VSNL1: variants seen among roughly 807,000 people sequenced by gnomAD.
The protein encoded by VSNL1 is visinin like 1.
In VSNL1, 6 loss-of-function variants were observed where a neutral mutation model predicts 20.4. The ratio of observed to expected loss-of-function variants is 0.29; its 90% CI spans 0.16 to 0.58. The LOEUF is 0.58. VSNL1 is among the 20% of genes least tolerant of loss of function. VSNL1 has a pLI of 0.90. For synonymous variants in VSNL1, 93 were observed against 86.4 expected (o/e 1.08, Z -0.42); for missense variants, 100 against 234.5 (o/e 0.43, Z 3.75).
chr2:17,600,936 A>C (rs1664807465), intron 2 of VSNL1, among the ~76,000 whole-genome samples: 1 of 152,222 alleles, frequency 6.6e-6, no homozygotes, highest in Admixed American at 6.5e-5. Flanking sequence ...ATATTGTCTC[A>C]GGGAATAGCT....
chr2:17,614,039 G>A (rs940066501), intron 2 of VSNL1, among the ~76,000 whole-genome samples: 1 of 152,184 alleles, frequency 6.6e-6, no homozygotes, highest in Non-Finnish European at 1.5e-5. Flanking sequence ...GTGGCTGGTC[G>A]GAAAAGGCTT....
intron 2 of VSNL1, among the ~76,000 whole-genome samples, chr2:17,621,721 G>A (rs578140864): frequency 8.6e-4 from 131 of 152,278 alleles, no homozygotes; most frequent in African/African-American, 3.1e-3. Context: ...TCGAACCCCT[G>A]GGCTCAAGCA....
chr2:17,555,327 A>G (rs1290732089), intron 1 of VSNL1, among the ~76,000 whole-genome samples: 2 of 152,196 alleles, frequency 1.3e-5, no homozygotes, highest in Admixed American at 6.6e-5. Flanking sequence ...CAATTGCCCA[A>G]AAGTCCATTA....
intron 1 of VSNL1, among the ~76,000 whole-genome samples, chr2:17,581,820 G>A (rs1664357524): frequency 6.6e-6 from 1 of 152,138 alleles, no homozygotes; most frequent in Non-Finnish European, 1.5e-5. Flanking sequence ...GGATTACATA[G>A]TAATTAATTA....
chr2:17,587,873 G>A (rs1664513974), intron 1 of VSNL1, among the ~76,000 whole-genome samples: 1 of 152,166 alleles, frequency 6.6e-6, no homozygotes, highest in Non-Finnish European at 1.5e-5. Context: ...GGGGTCAATA[G>A]TTTATATGGG....
Position 17,656,842 on chromosome 2 carries a change from T to A in VSNL1, c.*1448T>A, listed in dbSNP as rs1307583697. The stretch of plus-strand genomic sequence containing the variant: ...TGGCTAGCGTGACTAAGGAACTGAA[T>A]TTTATACTGTAATTAAGTGTAATTT... On this transcript the variant is annotated 3_prime_UTR_variant, in exon 4 of 4. Coordinates refer to ENST00000295156, the MANE Select transcript of VSNL1 (RefSeq NM_003385.5). 1.3e-5 allele frequency: 2 copies of A among 152,226 alleles called. No individual in the cohort carries two copies. Among genetic ancestry groups the A allele is most frequent in the African/African-American group, 4.8e-5 (2 of 41,460 alleles). The allele number at this position is 152,226 out of a possible 1,614,324, so 9.4% of individuals were successfully genotyped here.
chr2:17,618,021 C>T (rs11683808), intron 2 of VSNL1, among the ~76,000 whole-genome samples: 45,676 of 151,958 alleles, frequency 0.3, 8,742 homozygotes, highest in Middle Eastern at 0.57. Flanking sequence ...CAGCAGTACC[C>T]GGGGAAAGAA....
At chr2:17,599,085 G>C (rs1212359067) in intron 2 of VSNL1, among the ~76,000 whole-genome samples, 3 of 152,194 alleles carry the variant, frequency 2.0e-5, no homozygotes, top group African/African-American at 7.2e-5. Context: ...TAGGCCCTGG[G>C]TCTGCAGAGG....
chr2:17,565,953 C>T (rs114532524), intron 1 of VSNL1, among the ~76,000 whole-genome samples: 130 of 152,256 alleles, frequency 8.5e-4, no homozygotes, highest in African/African-American at 2.5e-3. Context: ...TTCTCTCTCC[C>T]GCCACCATGT....
At chr2:17,597,048 G>C (rs904804756) in intron 2 of VSNL1, among the ~76,000 whole-genome samples, 1 of 152,218 alleles carries the variant, frequency 6.6e-6, no homozygotes. Flanking sequence ...GTGCACAGAG[G>C]AGGGTGAGAG....
At chr2:17,576,227 A>G (rs189605137) in intron 1 of VSNL1, among the ~76,000 whole-genome samples, 1 of 152,342 alleles carries the variant, frequency 6.6e-6, no homozygotes, top group Admixed American at 6.5e-5. Flanking sequence ...TTAGCGTATC[A>G]TAAGTAATTT....
chr2:17,551,759 T>G (rs967545105), intron 1 of VSNL1, among the ~76,000 whole-genome samples: 3 of 152,166 alleles, frequency 2.0e-5, no homozygotes, highest in African/African-American at 7.2e-5. Context: ...GGCTTACCTA[T>G]ATCATTCATC....
At chr2:17,616,038 A>T (rs1665208948) in intron 2 of VSNL1, among the ~76,000 whole-genome samples, 1 of 152,244 alleles carries the variant, frequency 6.6e-6, no homozygotes. Context: ...CAGTTGTTAC[A>T]GAAAGGAAAA....
chr2:17,576,311 C>T (rs1338522248), intron 1 of VSNL1, among the ~76,000 whole-genome samples: 1 of 152,134 alleles, frequency 6.6e-6, no homozygotes, highest in South Asian at 2.1e-4. Context: ...ATCCATTTCC[C>T]TAGTGGGAAA....
chr2:17,575,709 G>A (rs867828252), intron 1 of VSNL1, among the ~76,000 whole-genome samples: 2 of 151,828 alleles, frequency 1.3e-5, no homozygotes, highest in Non-Finnish European at 1.5e-5. Context: ...CTAATTTTTT[G>A]TATTTTTAGT....
chr2:17,619,777 A>G (rs946351596), intron 2 of VSNL1, among the ~76,000 whole-genome samples: 1 of 152,072 alleles, frequency 6.6e-6, no homozygotes, highest in Non-Finnish European at 1.5e-5. Flanking sequence ...GTATTCATTC[A>G]CTGAATAAAG....
At chr2:17,654,858 A>G (rs1237441794) in intron 3 of VSNL1, among the ~76,000 whole-genome samples, 1 of 152,100 alleles carries the variant, frequency 6.6e-6, no homozygotes, top group African/African-American at 2.4e-5. Flanking sequence ...CAGCAGCTAA[A>G]GCTTTTTCAT....
At chr2:17,598,106 T>C (rs1211694187) in intron 2 of VSNL1, among the ~76,000 whole-genome samples, 1 of 152,220 alleles carries the variant, frequency 6.6e-6, no homozygotes, top group African/African-American at 2.4e-5. Flanking sequence ...TTCTAGTTAA[T>C]AGATATTATG....
At chr2:17,574,158 G>A (rs1664147004) in intron 1 of VSNL1, among the ~76,000 whole-genome samples, 1 of 152,084 alleles carries the variant, frequency 6.6e-6, no homozygotes, top group South Asian at 2.1e-4. Flanking sequence ...AGTCATAACT[G>A]ACCCGTAGGT....
Sources: allele counts gnomAD v4.1 joint callset (sites outside exome capture counted in the v4.1 genomes callset), GRCh38; gene constraint gnomAD v4.1.1; transcripts MANE v1.5; gene names NCBI Gene and HGNC (gene_info 2026-07-23, HGNC 2026-07-21).